The following RPS6KC1 variants were observed in gnomAD, a reference collection of about 807,000 sequenced individuals.
RPS6KC1 encodes ribosomal protein S6 kinase C1.
In RPS6KC1, 54 loss-of-function variants were observed where a neutral mutation model predicts 103.8. That is an observed-to-expected ratio of 0.52 (90% CI 0.42 to 0.65). The LOEUF (loss-of-function observed/expected upper bound fraction) is 0.65, where lower values mean the gene tolerates loss of function less well. Among genes scored for constraint, RPS6KC1 ranks in the 30% least tolerant of loss-of-function variants. The pLI, the probability that RPS6KC1 is intolerant of heterozygous loss-of-function variation, is 0.00. For synonymous variants in RPS6KC1, 439 were observed against 438.7 expected, an observed-to-expected ratio of 1.00 and a Z score of -0.01; for missense variants, 1,151 against 1,253.8, an observed-to-expected ratio of 0.92 and a Z score of 1.24.
At chr1:213,825,605 C>A in the RPS6KC1 span, among the ~76,000 whole-genome samples, 2,532 of 152,242 alleles carry the variant, frequency 0.017, 33 homozygotes, top group Non-Finnish European at 0.024. Flanking sequence ...CCCCAGACTG[C>A]CCCTCCACAT....
At chr1:213,826,160 A>C in the RPS6KC1 span, among the ~76,000 whole-genome samples, 5 of 152,232 alleles carry the variant, frequency 3.3e-5, no homozygotes, top group African/African-American at 1.2e-4. Context: ...AAAATGACAA[A>C]TCTATATTTT....
chr1:213,602,263 CTTTTTTT>C, the RPS6KC1 span, among the ~76,000 whole-genome samples: 1 of 54,732 alleles, frequency 1.8e-5, no homozygotes, highest in Non-Finnish European at 3.6e-5. Context: ...CTTTTTTTTT[CTTTTTTT>C]TTTTTCCAGA....
the RPS6KC1 span, among the ~76,000 whole-genome samples, chr1:213,329,621 A>G: frequency 6.6e-6 from 1 of 151,850 alleles, no homozygotes; most frequent in Non-Finnish European, 1.5e-5. Flanking sequence ...CCTTCATCAG[A>G]ACAAAGCTGA....
At chr1:213,257,572 A>G (rs1452566893) in intron 12 of RPS6KC1, among the ~76,000 whole-genome samples, 1 of 152,206 alleles carries the variant, frequency 6.6e-6, no homozygotes, top group East Asian at 1.9e-4. Context: ...AGAGATTGTA[A>G]ATAATTCATG....
chr1:213,131,477 TC>T (rs2085608677), intron 6 of RPS6KC1, among the ~76,000 whole-genome samples: 1 of 151,902 alleles, frequency 6.6e-6, no homozygotes, highest in African/African-American at 2.4e-5. Context: ...AGAGTTTCAT[TC>T]TGTCACCCAG....
At chr1:213,709,778 C>A in the RPS6KC1 span, among the ~76,000 whole-genome samples, 1 of 152,080 alleles carries the variant, frequency 6.6e-6, no homozygotes, top group Non-Finnish European at 1.5e-5. Flanking sequence ...CCTTATTTAC[C>A]CAGTAGTCAT....
At chr1:213,447,824 A>C in the RPS6KC1 span, among the ~76,000 whole-genome samples, 1 of 152,250 alleles carries the variant, frequency 6.6e-6, no homozygotes, top group Non-Finnish European at 1.5e-5. Context: ...TTATATAACA[A>C]TTGGCAGAGT....
At chr1:213,108,693 T>C (rs1022073671) in intron 4 of RPS6KC1, among the ~76,000 whole-genome samples, 9 of 151,726 alleles carry the variant, frequency 5.9e-5, no homozygotes, top group African/African-American at 1.7e-4. Context: ...CTCACTTTTT[T>C]CACCGAGGCT....
At chr1:213,510,494 T>C in the RPS6KC1 span, among the ~76,000 whole-genome samples, 1 of 152,176 alleles carries the variant, frequency 6.6e-6, no homozygotes, top group South Asian at 2.1e-4. Context: ...AGGCAGGGTT[T>C]ATTGGCCAAA....
At chr1:213,480,388 T>G in the RPS6KC1 span, among the ~76,000 whole-genome samples, 1 of 152,118 alleles carries the variant, frequency 6.6e-6, no homozygotes, top group African/African-American at 2.4e-5. Flanking sequence ...GATGCAATTG[T>G]GAATTCTGTC....
chr1:213,788,829 G>A, the RPS6KC1 span, among the ~76,000 whole-genome samples: 1 of 152,120 alleles, frequency 6.6e-6, no homozygotes, highest in Non-Finnish European at 1.5e-5. Flanking sequence ...GGAATACAAA[G>A]TTGTATGGAT....
intron 9 of RPS6KC1, among the ~76,000 whole-genome samples, chr1:213,231,384 C>G (rs1348824416): frequency 6.6e-6 from 1 of 151,994 alleles, no homozygotes; most frequent in African/African-American, 2.4e-5. Context: ...GAGAGAGAAC[C>G]CTCAATTTTG....
the RPS6KC1 span, among the ~76,000 whole-genome samples, chr1:213,282,342 C>G: frequency 1.3e-5 from 2 of 152,182 alleles, no homozygotes; most frequent in Non-Finnish European, 2.9e-5. Flanking sequence ...TGAGACGGCT[C>G]CTTGTGTAAC....
the RPS6KC1 span, among the ~76,000 whole-genome samples, chr1:213,395,316 C>T: frequency 3.9e-5 from 6 of 152,114 alleles, no homozygotes; most frequent in Non-Finnish European, 7.4e-5. Context: ...AAGAGTCTGG[C>T]GCACGGTAGG....
At chr1:213,138,584 C>T (rs1011448654) in intron 6 of RPS6KC1, among the ~76,000 whole-genome samples, 1 of 152,128 alleles carries the variant, frequency 6.6e-6, no homozygotes, top group African/African-American at 2.4e-5. Flanking sequence ...GTTTAACTTC[C>T]ACTTATAAGT....
At chr1:213,313,342 G>GT in the RPS6KC1 span, among the ~76,000 whole-genome samples, 3,621 of 146,094 alleles carry the variant, frequency 0.025, 136 homozygotes, top group African/African-American at 0.084. Context: ...AGGTGTGTGG[G>GT]TTTTTTTTTT....
chr1:213,542,800 T>C, the RPS6KC1 span, among the ~76,000 whole-genome samples: 1 of 152,244 alleles, frequency 6.6e-6, no homozygotes, highest in Admixed American at 6.5e-5. Flanking sequence ...TTTTGAATGC[T>C]ATTTACTAGG....
At chr1:213,854,465 A>C in the RPS6KC1 span, among the ~76,000 whole-genome samples, 3 of 152,152 alleles carry the variant, frequency 2.0e-5, no homozygotes, top group Admixed American at 2.0e-4. Flanking sequence ...AATATTCAGT[A>C]CCAAAGTACT....
the RPS6KC1 span, among the ~76,000 whole-genome samples, chr1:213,561,806 A>G: frequency 6.6e-6 from 1 of 152,200 alleles, no homozygotes; most frequent in Non-Finnish European, 1.5e-5. Flanking sequence ...CAGCTTTGAG[A>G]GAGTTACTTT....
Sources: allele counts gnomAD v4.1 joint callset (sites outside exome capture counted in the v4.1 genomes callset), GRCh38; gene constraint gnomAD v4.1.1; transcripts MANE v1.5; gene names NCBI Gene and HGNC (gene_info 2026-07-23, HGNC 2026-07-21).